C16orf96: variants seen among roughly 807,000 people sequenced by gnomAD.
C16orf96 encodes the protein chromosome 16 open reading frame 96.
Under a neutral mutation model 103.6 loss-of-function variants are expected in C16orf96, and 108 were observed. The observed-to-expected ratio is 1.04, with a 90% CI of 0.89 to 1.22. The LOEUF (loss-of-function observed/expected upper bound fraction) is 1.22, where lower values mean the gene tolerates loss of function less well. Ranked by LOEUF, C16orf96 falls within the 50% of genes most tolerant of loss-of-function variation. C16orf96 has a pLI of 0.00. For synonymous variants in C16orf96, 566 were observed against 593.5 expected, an observed-to-expected ratio of 0.95 and a Z score of 0.67; for missense variants, 1,586 against 1,464.2, an observed-to-expected ratio of 1.08 and a Z score of -1.36.
At chr16:4,592,489 C>A in intron 11 of C16orf96, 122 bp downstream of exon 11, 1 of 1,158,890 alleles carries the variant, frequency 8.6e-7, no homozygotes, top group Non-Finnish European at 1.2e-6. Flanking sequence ...CCATATACAG[C>A]ATTCTCTCCA....
At chr16:4,564,818 A>G (rs1013867235) in intron 1 of C16orf96, among the ~76,000 whole-genome samples, 1 of 152,152 alleles carries the variant, frequency 6.6e-6, no homozygotes, top group Non-Finnish European at 1.5e-5. Context: ...CTCAAAAACA[A>G]TAAATAAAAT....
chr16:4,552,594 G>A (rs767513817), upstream of C16orf96, among the ~76,000 whole-genome samples: 61 of 151,968 alleles, frequency 4.0e-4, 1 homozygote, highest in Non-Finnish European at 4.9e-4. Context: ...TTGAATATGC[G>A]ATAGTTGGAT....
chr16:4,556,883 G>T lies in C16orf96; in HGVS notation c.394G>T (p.Glu132Ter). ...TCTGATCAAGCTCCGGAAGATGGTG[G>T]AGGGTCATGATGAAGTCATGGCCAA... ...WHLIKLRKMVEGHDEVMAKSM... is the reference protein window; with the variant it reads ...WHLIKLRKMV Residue 132 changes from glutamate (E) to a stop codon, truncating the protein, a stop_gained, in exon 1 of 16, where the codon GAG becomes TAG. Transcript: ENST00000444310. LOFTEE classifies it high-confidence loss of function. 1 of 1,548,964 alleles carries T rather than the reference G, an allele frequency of 6.5e-7. No individual in the cohort carries two copies. The highest frequency in any genetic ancestry group is 8.7e-7 in the Non-Finnish European group (1 of 1,144,950).
chr16:4,577,168 G>C (rs1479734054), intron 5 of C16orf96, among the ~76,000 whole-genome samples: 1 of 151,990 alleles, frequency 6.6e-6, no homozygotes, highest in African/African-American at 2.4e-5. Flanking sequence ...TCCAGCCTGG[G>C]CAACAAGAAC....
intron 1 of C16orf96, chr16:4,559,899 A>AG (rs2059309533): frequency 6.6e-6 from 1 of 152,228 alleles, no homozygotes; most frequent in Non-Finnish European, 1.5e-5. Context: ...AGGCTCAGGA[A>AG]GGGGGGAACA....
chr16:4,575,913 C>T lies in C16orf96; in HGVS notation c.1433C>T (p.Ala478Val), dbSNP rs1224417713. ...GLRERARKDG[A>V]PKDRTRKDGV... is the part of the protein sequence containing the mutation. Reference sequence around the variant, plus strand: ...CGGGAGAGGGCCCGCAAGGATGGGGCCCCCAAGGATAGAACTCGCAAGGAT... The same window carrying T: ...CGGGAGAGGGCCCGCAAGGATGGGGTCCCCAAGGATAGAACTCGCAAGGAT... The change falls in exon 5 of 16, where the codon GCC becomes GTC. Residue 478 changes from alanine (A) to valine (V), a missense_variant. Ala to Val is a moderately conservative substitution (Grantham distance 64, BLOSUM62 0). Coordinates refer to ENST00000444310, the MANE Select transcript of C16orf96 (RefSeq NM_001145011.2). 2 of 1,551,264 alleles carry T rather than the reference C, an allele frequency of 1.3e-6. No individual in the cohort carries two copies. Among genetic ancestry groups the T allele is most frequent in the South Asian group, 2.4e-5 (2 of 84,056 alleles).
chr16:4,581,628 G>A (rs368183716), intron 7 of C16orf96, among the ~76,000 whole-genome samples: 1 of 151,544 alleles, frequency 6.6e-6, no homozygotes, highest in Non-Finnish European at 1.5e-5. Flanking sequence ...GCAAGACTCC[G>A]TCTCAAAAAA....
the C16orf96 span, among the ~76,000 whole-genome samples, chr16:4,550,086 A>ATT: frequency 1.0e-4 from 14 of 137,022 alleles, no homozygotes; most frequent in African/African-American, 3.7e-4. Flanking sequence ...ACAGTGGGTA[A>ATT]TTTTTTTTTT....
intron 9 of C16orf96, among the ~76,000 whole-genome samples, chr16:4,589,408 G>A (rs1207490634): frequency 1.4e-5 from 1 of 73,394 alleles, no homozygotes; most frequent in African/African-American, 4.2e-5. Flanking sequence ...GTGAAACTCT[G>A]TCCCCCTACC....
Position 4,576,596 on chromosome 16 carries a change from C to G in C16orf96, c.2116C>G (p.Gln706Glu). ...KHDSLKEEFAQLSCNLNQRLS... is the reference protein window; with the variant it reads ...KHDSLKEEFAELSCNLNQRLS... ...CGACTCTCTGAAGGAAGAATTTGCCCAGCTGTCCTGTAACCTGAACCAGCG... is the reference window on the plus strand; with the variant it reads ...CGACTCTCTGAAGGAAGAATTTGCCGAGCTGTCCTGTAACCTGAACCAGCG... Residue 706 changes from glutamine to glutamate, a missense_variant, in exon 5 of 16, where the codon CAG becomes GAG. Transcript: ENST00000444310. 1 of 1,551,582 alleles carries G rather than the reference C, an allele frequency of 6.4e-7. No homozygotes were observed. Among genetic ancestry groups the G allele is most frequent in the Non-Finnish European group, 8.7e-7 (1 of 1,146,972 alleles).
chr16:4,593,441 C>T lies in C16orf96; in HGVS notation c.2867+125C>T, dbSNP rs1037390145. The T allele has an allele frequency of 2.1e-6, 2 of 949,578 alleles. No homozygotes were observed. Among genetic ancestry groups the T allele is most frequent in the Non-Finnish European group, 1.6e-6 (1 of 631,990 alleles). The allele number at this position is 949,578 out of a possible 1,614,324, so 58.8% of individuals were successfully genotyped here. A position where few individuals can be genotyped will look rare whatever the true frequency, so the allele number is the denominator to read the frequency against. Reference sequence around the variant, plus strand: ...GGACCTAAGATTGTCCTGGACATGGCCAGCCCTTCGCAAGACAGGCACTCC... The same window carrying T: ...GGACCTAAGATTGTCCTGGACATGGTCAGCCCTTCGCAAGACAGGCACTCC... On this transcript the variant is annotated intron_variant, in intron 12 of 15. Transcript: ENST00000444310. The surrounding 1 kb of genome is among the most constrained non-coding windows in gnomAD (Gnocchi z 4.2).
chr16:4,581,141 C>CATAA (rs1555506327), intron 7 of C16orf96, among the ~76,000 whole-genome samples: 1 of 46,752 alleles, frequency 2.1e-5, no homozygotes, highest in Non-Finnish European at 4.6e-5. Flanking sequence ...TATATGTATA[C>CATAA]ATATATATAT....
chr16:4,568,886 C>T (rs549198281), intron 1 of C16orf96, among the ~76,000 whole-genome samples: 1 of 151,154 alleles, frequency 6.6e-6, no homozygotes, highest in African/African-American at 2.4e-5. Context: ...TGCTTCAGCC[C>T]CCCAAAATGC....
At position 4,600,158 on chromosome 16, in the gene C16orf96, A is replaced by G. The variant is rs1202979969; in HGVS notation, c.3267A>G (p.Pro1089=). ...SAASGPHLTM[P]ARPPSLPPLL... is the part of the protein sequence containing the mutation. ...CCTCGGGCCCTCACCTGACGATGCCAGCTCGACCACCTTCCCTGCCACCTC... is the reference window on the plus strand; with the variant it reads ...CCTCGGGCCCTCACCTGACGATGCCGGCTCGACCACCTTCCCTGCCACCTC... Residue 1089 remains proline (P), a synonymous_variant, in exon 16 of 16, where the codon CCA becomes CCG. Coordinates refer to ENST00000444310, the MANE Select transcript of C16orf96 (RefSeq NM_001145011.2). 6.4e-7 allele frequency: 1 copy of G among 1,551,340 alleles called. No individual in the cohort carries two copies. Among genetic ancestry groups the G allele is most frequent in the South Asian group, 1.2e-5 (1 of 84,046 alleles).
chr16:4,551,206 G>C, the C16orf96 span, among the ~76,000 whole-genome samples: 2 of 152,196 alleles, frequency 1.3e-5, no homozygotes, highest in South Asian at 4.1e-4. Flanking sequence ...AGGTGTTTGA[G>C]GCTGCGTGAG....
At chr16:4,546,379 T>G in the C16orf96 span, among the ~76,000 whole-genome samples, 1 of 151,642 alleles carries the variant, frequency 6.6e-6, no homozygotes. Flanking sequence ...AGGATGGTCT[T>G]GATCTCCTGA....
chr16:4,586,234 T>C (rs1896925672), intron 7 of C16orf96, among the ~76,000 whole-genome samples: 1 of 152,194 alleles, frequency 6.6e-6, no homozygotes, highest in Non-Finnish European at 1.5e-5. Context: ...CACTCCAGCC[T>C]GGGCGACAGA....
chr16:4,552,197 G>A (rs1409902917), upstream of C16orf96, among the ~76,000 whole-genome samples: 1 of 151,948 alleles, frequency 6.6e-6, no homozygotes, highest in Non-Finnish European at 1.5e-5. Context: ...ATCAATGAAA[G>A]TTGGCCGGGC....
rs751767108 is a variant in C16orf96, at chr16:4,575,897, G to T, written c.1417G>T (p.Ala473Ser). ...VPSLRGLRERARKDGAPKDRT... is the reference protein window; with the variant it reads ...VPSLRGLRERSRKDGAPKDRT... ...CAGCCTAAGGGGCCTTCGGGAGAGGGCCCGCAAGGATGGGGCCCCCAAGGA... is the reference window on the plus strand; with the variant it reads ...CAGCCTAAGGGGCCTTCGGGAGAGGTCCCGCAAGGATGGGGCCCCCAAGGA... The change falls in exon 5 of 16, where the codon GCC becomes TCC. Residue 473 changes from alanine to serine, a missense_variant. Ala to Ser is a moderately conservative substitution (Grantham distance 99). Transcript: ENST00000444310. The T allele has an allele frequency of 6.4e-7, 1 of 1,551,598 alleles. No homozygotes were observed. The highest frequency in any genetic ancestry group is 8.7e-7 in the Non-Finnish European group (1 of 1,146,980).
Sources: gnomAD v4.1 joint callset for allele counts (sites outside exome capture counted in the v4.1 genomes callset) on GRCh38, gnomAD v4.1.1 for gene constraint, Gnocchi (gnomAD v3.1) non-coding constraint, MANE v1.5 for transcripts, NCBI Gene and HGNC (gene_info 2026-07-23, HGNC 2026-07-21) for gene names.